NSUN4: variants seen among roughly 807,000 people sequenced by gnomAD.
NSUN4 encodes the protein NOP2/Sun RNA methyltransferase 4.
Under a neutral mutation model 43.8 loss-of-function variants are expected in NSUN4, and 31 were observed. The observed-to-expected ratio is 0.71, with a 90% CI of 0.53 to 0.96. The LOEUF is 0.96. NSUN4 is among the 40% of genes least tolerant of loss of function. The pLI is 0.00. For synonymous variants in NSUN4, 167 were observed against 184.1 expected (o/e 0.91, Z 0.75); for missense variants, 439 against 475.6 (o/e 0.92, Z 0.72).
chr1:46,360,329 G>A (rs915285750), intron 4 of NSUN4, among the ~76,000 whole-genome samples: 3 of 144,782 alleles, frequency 2.1e-5, no homozygotes, highest in Non-Finnish European at 4.5e-5. Flanking sequence ...CTACTCAGGA[G>A]GCTGAGGTGG....
At chr1:46,358,882 C>T (rs985566207) in intron 4 of NSUN4, among the ~76,000 whole-genome samples, 32 of 152,132 alleles carry the variant, frequency 2.1e-4, no homozygotes, top group African/African-American at 6.3e-4. Context: ...ACAGATGGAA[C>T]TTCGTCTACT....
the NSUN4 span, among the ~76,000 whole-genome samples, chr1:46,372,968 G>A: frequency 6.6e-6 from 1 of 152,172 alleles, no homozygotes; most frequent in Non-Finnish European, 1.5e-5. Flanking sequence ...TGATCCGCCT[G>A]CCTCGGCCTC....
chr1:46,360,970 T>C (rs1663826836), intron 5 of NSUN4, 142 bp downstream of exon 5: 1 of 929,230 alleles, frequency 1.1e-6, no homozygotes, highest in Non-Finnish European at 1.6e-6. Flanking sequence ...AATGGGATCA[T>C]CTCTGGAACA....
Position 46,361,625 on chromosome 1 carries a change from C to G in NSUN4, c.934C>G (p.Leu312Val). 1 of 1,614,210 alleles carries G rather than the reference C, an allele frequency of 6.2e-7. No homozygotes were observed. The highest frequency in any genetic ancestry group is 8.5e-7 in the Non-Finnish European group (1 of 1,180,024). The change falls in exon 6 of 6, where the codon CTC (leucine) becomes GTC (valine). Residue 312 changes from leucine (L) to valine (V), a missense_variant. Transcript: ENST00000474844. Reference protein sequence around the residue: ...GGHVVYSTCSLSHLQNEYVVQ... With the variant: ...GGHVVYSTCSVSHLQNEYVVQ... ...CCATGTTGTCTATTCTACCTGCTCA[C>G]TCTCACACTTACAGAACGAGTATGT...
intron 3 of NSUN4, among the ~76,000 whole-genome samples, chr1:46,349,879 G>A (rs1662853285): frequency 6.6e-6 from 1 of 152,186 alleles, no homozygotes; most frequent in South Asian, 2.1e-4. Context: ...GGAGGAGGAG[G>A]AACTTGAACT....
rs188183239 is a variant in NSUN4, at chr1:46,351,825, C to T, written c.593-1043C>T. On this transcript the variant is annotated intron_variant, in intron 3 of 5. Coordinates refer to ENST00000474844, the MANE Select transcript of NSUN4 (RefSeq NM_199044.4). ...GACTACAGGTACCCACCCCCATGCC[C>T]GGCTAATTTTTTGTATTTTTAGTAG... 5.9e-4 allele frequency among the ~76,000 whole-genome samples: 90 copies of T among 151,510 alleles called. 1 individual carries two copies. Among genetic ancestry groups the T allele is most frequent in the African/African-American group, 1.7e-3 (71 of 41,372 alleles).
Position 46,362,567 on chromosome 1 carries a change from TA to T in NSUN4, c.*722del, listed in dbSNP as rs141974466. 1 of 152,388 alleles carries T rather than the reference TA, an allele frequency of 6.6e-6. No individual in the cohort carries two copies. The highest frequency in any genetic ancestry group is 1.5e-5 in the Non-Finnish European group (1 of 68,064). 9.4% of individuals were successfully genotyped at this position (152,388 alleles called of 1,614,324 possible). ...GTGCCTTGTTCTTTGTTCATTCATC[TA>T]GCAGGTATTCCCAGACCTCGTGTAT... On this transcript the variant is annotated 3_prime_UTR_variant, in exon 6 of 6. Coordinates refer to ENST00000474844, the MANE Select transcript of NSUN4 (RefSeq NM_199044.4).
chr1:46,384,440 T>A, the NSUN4 span, among the ~76,000 whole-genome samples: 4 of 152,150 alleles, frequency 2.6e-5, no homozygotes, highest in African/African-American at 4.8e-5. Context: ...GATGGATGTA[T>A]GACACAGCAC....
chr1:46,347,706 T>TCTG (rs113387391), intron 3 of NSUN4, among the ~76,000 whole-genome samples: 4 of 152,270 alleles, frequency 2.6e-5, no homozygotes, highest in African/African-American at 9.6e-5. Context: ...AATGATAAGA[T>TCTG]CTGCCTGCAG....
chr1:46,382,992 C>A, the NSUN4 span, among the ~76,000 whole-genome samples: 1 of 152,030 alleles, frequency 6.6e-6, no homozygotes, highest in Non-Finnish European at 1.5e-5. Flanking sequence ...AGTAGGGAAC[C>A]TGTGTGTGTG....
chr1:46,342,771 C>T, intron 1 of NSUN4: 1 of 399,416 alleles, frequency 2.5e-6, no homozygotes, highest in East Asian at 3.6e-5. Context: ...CCCTAAGTCC[C>T]CAGAGTTAAG....
chr1:46,367,580 A>C (rs1474851001), downstream of NSUN4, among the ~76,000 whole-genome samples: 2 of 152,138 alleles, frequency 1.3e-5, no homozygotes, highest in Non-Finnish European at 2.9e-5. Context: ...GAAAGAATTC[A>C]AGGGCAAGCT....
At chr1:46,385,033 T>C in the NSUN4 span, among the ~76,000 whole-genome samples, 1 of 152,356 alleles carries the variant, frequency 6.6e-6, no homozygotes, top group East Asian at 1.9e-4. Context: ...CTGAGAAATT[T>C]TCTTTAGCAC....
chr1:46,353,087 T>G, intron 4 of NSUN4, 59 bp downstream of exon 4: 1 of 1,531,770 alleles, frequency 6.5e-7, no homozygotes, highest in Non-Finnish European at 9.0e-7. Context: ...CCATCCTGGT[T>G]CTAGGGCCTG....
At chr1:46,365,076 A>C (rs1246094424), downstream of NSUN4, 1 of 152,204 alleles carries the variant, frequency 6.6e-6, no homozygotes, top group Non-Finnish European at 1.5e-5. Context: ...AAATTTTTGC[A>C]TATATACATG....
chr1:46,345,681 A>C (rs936974691), intron 2 of NSUN4, among the ~76,000 whole-genome samples: 1 of 152,174 alleles, frequency 6.6e-6, no homozygotes, highest in African/African-American at 2.4e-5. Flanking sequence ...CAAACTTGGT[A>C]TTAGACTGGG....
intron 4 of NSUN4, among the ~76,000 whole-genome samples, chr1:46,356,120 G>A (rs1377243252): frequency 1.3e-5 from 2 of 152,072 alleles, no homozygotes; most frequent in African/African-American, 4.8e-5. Context: ...TGCCCAGGCT[G>A]GAATGCAGTG....
intron 3 of NSUN4, among the ~76,000 whole-genome samples, chr1:46,351,468 T>TA (rs1373285326): frequency 1.1e-4 from 17 of 152,124 alleles, no homozygotes; most frequent in Non-Finnish European, 2.2e-4. Flanking sequence ...TAAACTGTAG[T>TA]ATCTACCAAA....
the NSUN4 span, among the ~76,000 whole-genome samples, chr1:46,381,025 A>G: frequency 6.6e-6 from 1 of 152,166 alleles, no homozygotes. Context: ...ATGGGGACAC[A>G]GAGAGTCACA....
Sources: allele counts gnomAD v4.1 joint callset (sites outside exome capture counted in the v4.1 genomes callset), GRCh38; gene constraint gnomAD v4.1.1; transcripts MANE v1.5; gene names NCBI Gene and HGNC (gene_info 2026-07-23, HGNC 2026-07-21).